The following AKAP13 variants were observed in gnomAD, a reference collection of about 807,000 sequenced individuals.
The protein encoded by AKAP13 is A-kinase anchor protein 13.
AKAP13 carries 80 observed loss-of-function variants against 264.5 expected under a neutral mutation model. The ratio of observed to expected loss-of-function variants is 0.30; its 90% CI spans 0.25 to 0.36. The LOEUF is 0.36. Ranked by LOEUF, AKAP13 falls within the 10% of genes least tolerant of loss-of-function variation. AKAP13 has a pLI of 1.00. For missense variants in AKAP13, 3,712 were observed against 3,435.2 expected (o/e 1.08, Z -2.01); for synonymous variants, 1,380 against 1,250.2 (o/e 1.10, Z -2.19).
intron 1 of AKAP13, among the ~76,000 whole-genome samples, chr15:85,454,618 G>C (rs12903517): frequency 0.25 from 37,992 of 151,848 alleles, 6,334 homozygotes; most frequent in Middle Eastern, 0.37. Flanking sequence ...AGTCGGCTCT[G>C]TTGGCCACTC....
intron 1 of AKAP13, among the ~76,000 whole-genome samples, chr15:85,431,815 TA>T (rs1487897518): frequency 1.3e-5 from 2 of 152,230 alleles, no homozygotes; most frequent in Non-Finnish European, 2.9e-5. Context: ...AAAAAATGAT[TA>T]CCAGATTCTT....
intron 3 of AKAP13, among the ~76,000 whole-genome samples, chr15:85,530,158 C>G (rs539809266): frequency 1.8e-4 from 28 of 152,302 alleles, no homozygotes; most frequent in African/African-American, 6.5e-4. Context: ...TGTTGCCAAG[C>G]ACAACCCCCG....
intron 14 of AKAP13, chr15:85,677,060 G>C (rs923793963): frequency 1.0e-6 from 1 of 985,280 alleles, no homozygotes; most frequent in Non-Finnish European, 1.2e-6. Flanking sequence ...TTTTCTCTTG[G>C]CTCTTCTTAT....
chr15:85,649,420 A>AC (rs1245612772), intron 10 of AKAP13, among the ~76,000 whole-genome samples: 1 of 152,200 alleles, frequency 6.6e-6, no homozygotes, highest in African/African-American at 2.4e-5. Context: ...CTCAGTGGTC[A>AC]CCCCCAGAGT....
chr15:85,733,515 G>A (rs1386836194), intron 30 of AKAP13, among the ~76,000 whole-genome samples: 3 of 152,114 alleles, frequency 2.0e-5, no homozygotes, highest in Admixed American at 1.3e-4. Flanking sequence ...CAGATTTCAG[G>A]AAGTTATTTT....
chr15:85,684,019 A>G (rs1171511135), intron 15 of AKAP13, among the ~76,000 whole-genome samples: 1 of 152,182 alleles, frequency 6.6e-6, no homozygotes, highest in African/African-American at 2.4e-5. Context: ...CAAAGGCTAG[A>G]AAAAAGTTGT....
intron 14 of AKAP13, among the ~76,000 whole-genome samples, chr15:85,674,051 C>T (rs2084079847): frequency 6.6e-6 from 1 of 151,908 alleles, no homozygotes; most frequent in Admixed American, 6.6e-5. Context: ...CCAGAAGATG[C>T]TTCAAATAAT....
intron 5 of AKAP13, among the ~76,000 whole-genome samples, chr15:85,564,403 T>A (rs1379077083): frequency 7.2e-5 from 11 of 152,212 alleles, no homozygotes; most frequent in Admixed American, 7.2e-4. Flanking sequence ...AGTTGCAGAA[T>A]CATGACCTTC....
chr15:85,673,198 G>T (rs2084014542), intron 14 of AKAP13, among the ~76,000 whole-genome samples: 1 of 152,134 alleles, frequency 6.6e-6, no homozygotes, highest in Non-Finnish European at 1.5e-5. Flanking sequence ...TTCTAAGCTG[G>T]GATCTGTTTT....
At chr15:85,493,693 C>T (rs927390306) in intron 2 of AKAP13, among the ~76,000 whole-genome samples, 2 of 152,114 alleles carry the variant, frequency 1.3e-5, no homozygotes, top group African/African-American at 4.8e-5. Flanking sequence ...TATAGCAAGC[C>T]ATGTGACTGC....
chr15:85,438,631 T>C (rs2073453143), intron 1 of AKAP13, among the ~76,000 whole-genome samples: 2 of 147,480 alleles, frequency 1.4e-5, no homozygotes, highest in South Asian at 4.4e-4. Flanking sequence ...TATAGATCAA[T>C]GGAACAGAAC....
intron 1 of AKAP13, among the ~76,000 whole-genome samples, chr15:85,436,138 G>A (rs1181204768): frequency 1.2e-4 from 11 of 88,776 alleles, no homozygotes; most frequent in Admixed American, 1.3e-4. Flanking sequence ...CAAGCAAATG[G>A]AAAACAAAAA....
intron 2 of AKAP13, among the ~76,000 whole-genome samples, chr15:85,495,318 T>A (rs559801011): frequency 6.6e-6 from 1 of 152,104 alleles, no homozygotes; most frequent in Admixed American, 6.5e-5. Context: ...TGGACCCTTG[T>A]GGTTAATGAT....
At chr15:85,381,967 G>A (rs1300293839) in intron 1 of AKAP13, 2 of 152,242 alleles carry the variant, frequency 1.3e-5, no homozygotes, top group African/African-American at 2.4e-5. Flanking sequence ...GCTAAGATCA[G>A]TTGAGATAAA....
At chr15:85,735,508 G>A in intron 31 of AKAP13, 52 bp from the exon 32 acceptor site, 1 of 1,561,350 alleles carries the variant, frequency 6.4e-7, no homozygotes, top group Non-Finnish European at 8.7e-7. Flanking sequence ...TCTTTCCTTG[G>A]CTAATCTGTT....
chr15:85,659,191 C>T (rs542830293), intron 12 of AKAP13, among the ~76,000 whole-genome samples: 8 of 152,216 alleles, frequency 5.3e-5, no homozygotes, highest in Admixed American at 1.3e-4. Flanking sequence ...TAAAAATAAA[C>T]GATTTATAAG....
chr15:85,426,455 T>A (rs2072781454), intron 1 of AKAP13, among the ~76,000 whole-genome samples: 1 of 152,182 alleles, frequency 6.6e-6, no homozygotes, highest in Admixed American at 6.6e-5. Flanking sequence ...TTCACCTGAA[T>A]ATTGAGGTAG....
chr15:85,696,119 G>A (rs183740908), intron 17 of AKAP13, among the ~76,000 whole-genome samples: 1 of 152,286 alleles, frequency 6.6e-6, no homozygotes, highest in Admixed American at 6.5e-5. Flanking sequence ...ATAAGTCTCA[G>A]AATTGCCATT....
In AKAP13 at chr15:85,533,893, A is replaced by G. The variant is rs781498811; in HGVS notation, c.478+13A>G. The G allele has an allele frequency of 5.2e-6, 8 of 1,549,814 alleles. No homozygotes were observed. The highest frequency in any genetic ancestry group is 6.1e-6 in the Non-Finnish European group (7 of 1,149,262). ...CAGAGTTTGCATGGTGAGAATTTAT[A>G]TGATCTACAAACACACTTTAAGTTT... On this transcript the variant is annotated intron_variant, in intron 4 of 36. Transcript: ENST00000394518.
Sources: gnomAD v4.1 joint callset for allele counts (sites outside exome capture counted in the v4.1 genomes callset) on GRCh38, gnomAD v4.1.1 for gene constraint, MANE v1.5 for transcripts, NCBI Gene and HGNC (gene_info 2026-07-23, HGNC 2026-07-21) for gene names.